The following ZNF804A variants were observed in gnomAD, a reference collection of about 807,000 sequenced individuals.
The protein encoded by ZNF804A is zinc finger protein 804A.
In ZNF804A, 2 loss-of-function variants were observed where a neutral mutation model predicts 16.5. That is an observed-to-expected ratio of 0.12 (90% CI 0.05 to 0.38). The LOEUF (loss-of-function observed/expected upper bound fraction) is 0.38, where lower values mean the gene tolerates loss of function less well. Among genes scored for constraint, ZNF804A ranks in the 10% least tolerant of loss-of-function variants. The probability of loss-of-function intolerance (pLI) is 0.99; values close to 1 mark genes in which losing one functional copy is unlikely to be tolerated. For missense variants in ZNF804A, 1,473 were observed against 1,390.7 expected, an observed-to-expected ratio of 1.06 and a Z score of -0.94; for synonymous variants, 534 against 489.6, an observed-to-expected ratio of 1.09 and a Z score of -1.20.
chr2:184,636,997 T>C (rs1691710369), intron 1 of ZNF804A, among the ~76,000 whole-genome samples: 1 of 152,212 alleles, frequency 6.6e-6, no homozygotes, highest in Non-Finnish European at 1.5e-5. Flanking sequence ...ATCAATGCAA[T>C]TTAAAATGTT....
chr2:184,927,755 C>G (rs1685632639), intron 2 of ZNF804A, among the ~76,000 whole-genome samples: 1 of 152,186 alleles, frequency 6.6e-6, no homozygotes, highest in African/African-American at 2.4e-5. Context: ...CACCCCATGG[C>G]CACCACCATC....
At chr2:184,895,696 T>A (rs1330161367) in intron 2 of ZNF804A, among the ~76,000 whole-genome samples, 1 of 152,258 alleles carries the variant, frequency 6.6e-6, no homozygotes, top group African/African-American at 2.4e-5. Context: ...TTCTCAACTC[T>A]AGCAAAGAAA....
intron 2 of ZNF804A, among the ~76,000 whole-genome samples, chr2:184,881,809 G>C (rs1355959152): frequency 6.6e-6 from 1 of 151,880 alleles, no homozygotes; most frequent in Non-Finnish European, 1.5e-5. Context: ...AAACATACAG[G>C]AAACACTATT....
chr2:184,721,147 A>G (rs1693306887), intron 1 of ZNF804A, among the ~76,000 whole-genome samples: 1 of 152,230 alleles, frequency 6.6e-6, no homozygotes, highest in East Asian at 1.9e-4. Context: ...AAATCCTAGA[A>G]GAAGACATAG....
At chr2:184,900,524 A>AT (rs1186511751) in intron 2 of ZNF804A, among the ~76,000 whole-genome samples, 2 of 151,992 alleles carry the variant, frequency 1.3e-5, no homozygotes, top group Non-Finnish European at 2.9e-5. Context: ...TAATATCAGT[A>AT]TTTTTTTCTT....
chr2:184,632,349 A>G (rs1213368819), intron 1 of ZNF804A, among the ~76,000 whole-genome samples: 1 of 152,186 alleles, frequency 6.6e-6, no homozygotes, highest in Non-Finnish European at 1.5e-5. Context: ...GTACTTTGGC[A>G]AATTCCACCA....
At chr2:184,908,885 G>T (rs995633385) in intron 2 of ZNF804A, among the ~76,000 whole-genome samples, 6 of 152,050 alleles carry the variant, frequency 3.9e-5, no homozygotes, top group Non-Finnish European at 8.8e-5. Flanking sequence ...AAGGATTAAA[G>T]AACAGATTAG....
intron 1 of ZNF804A, among the ~76,000 whole-genome samples, chr2:184,823,817 T>G (rs1024149149): frequency 6.6e-6 from 1 of 152,158 alleles, no homozygotes; most frequent in South Asian, 2.1e-4. Context: ...TTACAATTAT[T>G]AGTTTGTTGG....
chr2:184,676,254 A>G (rs866381822), intron 1 of ZNF804A, among the ~76,000 whole-genome samples: 30 of 151,638 alleles, frequency 2.0e-4, no homozygotes, highest in African/African-American at 6.0e-4. Flanking sequence ...TCTACAGTGA[A>G]TATATGAATT....
At chr2:184,896,276 C>A (rs1023448710) in intron 2 of ZNF804A, among the ~76,000 whole-genome samples, 2 of 151,968 alleles carry the variant, frequency 1.3e-5, no homozygotes, top group African/African-American at 4.8e-5. Flanking sequence ...ATTCATGTCC[C>A]AAATTTATAT....
chr2:184,673,123 G>A (rs1189061919), intron 1 of ZNF804A, among the ~76,000 whole-genome samples: 1 of 152,068 alleles, frequency 6.6e-6, no homozygotes, highest in East Asian at 1.9e-4. Flanking sequence ...AAGGAGGAAG[G>A]GAAGAGGGTA....
At chr2:184,743,686 A>T (rs1693740936) in intron 1 of ZNF804A, among the ~76,000 whole-genome samples, 1 of 151,912 alleles carries the variant, frequency 6.6e-6, no homozygotes, top group African/African-American at 2.4e-5. Flanking sequence ...TCCACAAATA[A>T]TATTAAAATA....
chr2:184,863,306 G>T (rs901111231), intron 1 of ZNF804A, among the ~76,000 whole-genome samples: 1 of 152,134 alleles, frequency 6.6e-6, no homozygotes, highest in Non-Finnish European at 1.5e-5. Context: ...GTGAGGAAAT[G>T]AAAAGAATCA....
In ZNF804A at chr2:184,938,625, C is replaced by G. The variant is rs141397832; in HGVS notation, c.3229C>G (p.Pro1077Ala). 6.1e-5 allele frequency: 98 copies of G among 1,613,970 alleles called. No individual in the cohort carries two copies. The highest frequency in any genetic ancestry group is 2.1e-4 in the African/African-American group (16 of 75,020). The change falls in exon 4 of 4, where the codon CCT (proline) becomes GCT (alanine). Residue 1077 changes from proline (P) to alanine (A), a missense_variant. Coordinates refer to ENST00000302277, the MANE Select transcript of ZNF804A (RefSeq NM_194250.2). Reference protein sequence around the residue: ...FTFPPAALPPPSTPLQPLPLQ... With the variant: ...FTFPPAALPPASTPLQPLPLQ... ...CTTTCCTCCAGCTGCCCTCCCACCC[C>G]CTAGCACACCTCTGCAGCCTTTGCC...
intron 1 of ZNF804A, among the ~76,000 whole-genome samples, chr2:184,640,575 A>C (rs1341285589): frequency 6.6e-6 from 1 of 152,312 alleles, no homozygotes; most frequent in Admixed American, 6.5e-5. Flanking sequence ...ATTCCTTATT[A>C]ACATAGATAC....
intron 1 of ZNF804A, among the ~76,000 whole-genome samples, chr2:184,676,729 G>T (rs1692442285): frequency 6.6e-6 from 1 of 151,612 alleles, no homozygotes; most frequent in Non-Finnish European, 1.5e-5. Flanking sequence ...TAGTTTACTG[G>T]TTAATCTGCA....
Position 184,851,271 on chromosome 2 carries a change from A to C in ZNF804A, c.112-15098A>C, listed in dbSNP as rs889760264. Among the ~76,000 whole-genome samples, 3 of 151,900 alleles carry C rather than the reference A, an allele frequency of 2.0e-5. No individual in the cohort carries two copies. The South Asian group carries it at 6.2e-4, about 31-fold the overall frequency. ...TTAAGTATAGTCACCATATTGTGAA[A>C]CTAGATCTATTGAACTTATTCTTCC... On this transcript the variant is annotated intron_variant, in intron 1 of 3. Coordinates refer to ENST00000302277, the MANE Select transcript of ZNF804A (RefSeq NM_194250.2).
chr2:184,696,952 G>A (rs1692841962), intron 1 of ZNF804A, among the ~76,000 whole-genome samples: 1 of 151,680 alleles, frequency 6.6e-6, no homozygotes, highest in Admixed American at 6.6e-5. Context: ...CCACAACCTA[G>A]AAGTGAAAAT....
chr2:184,932,082 A>G (rs1045887906), intron 2 of ZNF804A, among the ~76,000 whole-genome samples: 2 of 152,144 alleles, frequency 1.3e-5, no homozygotes, highest in African/African-American at 4.8e-5. Flanking sequence ...TATTATCCAT[A>G]TCACTATCAG....
Sources: gnomAD v4.1 joint callset for allele counts (sites outside exome capture counted in the v4.1 genomes callset) on GRCh38, gnomAD v4.1.1 for gene constraint, MANE v1.5 for transcripts, NCBI Gene and HGNC (gene_info 2026-07-23, HGNC 2026-07-21) for gene names.